Variants in AGBL4 observed in about 807,000 individuals in gnomAD.
AGBL4 encodes the protein cytosolic carboxypeptidase 6.
A neutral mutation model predicts 66.4 loss-of-function variants in AGBL4; 58 were observed. That is an observed-to-expected ratio of 0.87 (90% CI 0.71 to 1.09). The LOEUF (loss-of-function observed/expected upper bound fraction) is 1.09, where lower values mean the gene tolerates loss of function less well. Among genes scored for constraint, AGBL4 ranks in the 50% least tolerant of loss-of-function variants. The pLI, the probability that AGBL4 is intolerant of heterozygous loss-of-function variation, is 0.00. For synonymous variants in AGBL4, 234 were observed against 222.9 expected (o/e 1.05, Z -0.44); for missense variants, 579 against 631.0 (o/e 0.92, Z 0.88).
intron 3 of AGBL4, among the ~76,000 whole-genome samples, chr1:49,427,783 C>T (rs939701170): frequency 2.6e-5 from 4 of 152,220 alleles, no homozygotes; most frequent in African/African-American, 9.6e-5. Context: ...GTTGCTGCTG[C>T]TGGCTGGGTG....
chr1:49,020,457 T>C (rs1663161345), intron 5 of AGBL4, among the ~76,000 whole-genome samples: 1 of 152,154 alleles, frequency 6.6e-6, no homozygotes, highest in Admixed American at 6.5e-5. Flanking sequence ...CAGAAAGGAC[T>C]ACTCTTGAGC....
Position 48,554,498 on chromosome 1 carries a change from C to A in AGBL4, c.1268-14760G>T, listed in dbSNP as rs371371374. Among the ~76,000 whole-genome samples, 25 of 152,230 alleles carry A rather than the reference C, an allele frequency of 1.6e-4. No individual in the cohort carries two copies. The East Asian group carries it at 1.9e-3, about 12-fold the overall frequency. On this transcript the variant is annotated intron_variant, in intron 11 of 13. Coordinates refer to ENST00000371839, the MANE Select transcript of AGBL4 (RefSeq NM_032785.4). ...GCATTTATTCCTCATTTTGAGACAT[C>A]CTTGTTATATTTCAAGCAAAACAGC... is the stretch of plus-strand genomic sequence containing the variant.
chr1:49,981,253 C>A (rs1021794124), intron 1 of AGBL4, among the ~76,000 whole-genome samples: 3 of 152,056 alleles, frequency 2.0e-5, no homozygotes, highest in African/African-American at 7.2e-5. Flanking sequence ...TTGAAGAAAG[C>A]AAACCTGGAA....
chr1:49,091,918 A>G (rs1393432333), intron 4 of AGBL4, among the ~76,000 whole-genome samples: 2 of 152,014 alleles, frequency 1.3e-5, no homozygotes, highest in African/African-American at 4.8e-5. Flanking sequence ...CGAAGTATGA[A>G]GAAATAACAT....
At chr1:49,599,843 C>G (rs1644920075) in intron 3 of AGBL4, among the ~76,000 whole-genome samples, 1 of 152,104 alleles carries the variant, frequency 6.6e-6, no homozygotes, top group Non-Finnish European at 1.5e-5. Flanking sequence ...AAAGAACTTA[C>G]ATATTCCTGC....
chr1:49,677,326 A>G (rs367896889), intron 3 of AGBL4, among the ~76,000 whole-genome samples: 1 of 152,116 alleles, frequency 6.6e-6, no homozygotes, highest in South Asian at 2.1e-4. Context: ...AATTTTGCCA[A>G]TACTTTTTCT....
At chr1:49,652,297 A>G (rs527353851) in intron 3 of AGBL4, among the ~76,000 whole-genome samples, 1 of 152,310 alleles carries the variant, frequency 6.6e-6, no homozygotes, top group African/African-American at 2.4e-5. Flanking sequence ...ATTCAAGAAA[A>G]TTTCCATGCT....
At chr1:49,452,510 C>T (rs1352293583) in intron 3 of AGBL4, among the ~76,000 whole-genome samples, 1 of 151,864 alleles carries the variant, frequency 6.6e-6, no homozygotes, top group Non-Finnish European at 1.5e-5. Context: ...CTGATGATTA[C>T]ATGGGGGTTC....
At chr1:49,898,720 C>T (rs1414297785) in intron 1 of AGBL4, among the ~76,000 whole-genome samples, 2 of 151,976 alleles carry the variant, frequency 1.3e-5, no homozygotes, top group Admixed American at 6.5e-5. Flanking sequence ...AACTCAAGTG[C>T]CTGTAAATAG....
rs1646623004 is a variant in AGBL4 at position 48,691,114 on chromosome 1, C to T, written c.635-27873G>A. Among the ~76,000 whole-genome samples, 4 of 142,648 alleles carry T rather than the reference C, an allele frequency of 2.8e-5. No homozygotes were observed. In the South Asian group the frequency reaches 8.9e-4, roughly 32 times the overall value. The allele number at this position is 142,648 out of a possible 152,430, so 93.6% of individuals were successfully genotyped here. ...TGGAGGTTGCAGTGAACTGAGATGG[C>T]GTCCCTGCATTCCAGCCTGGGCGAC... is the stretch of plus-strand genomic sequence containing the variant. On this transcript the variant is annotated intron_variant, in intron 6 of 13. Coordinates refer to ENST00000371839, the MANE Select transcript of AGBL4 (RefSeq NM_032785.4).
chr1:49,102,660 T>C (rs866770957), intron 4 of AGBL4, among the ~76,000 whole-genome samples: 3 of 152,174 alleles, frequency 2.0e-5, no homozygotes, highest in African/African-American at 7.2e-5. Context: ...GTCTAATGAA[T>C]AAATAAATGA....
chr1:48,880,322 T>G (rs1649657599), intron 5 of AGBL4, among the ~76,000 whole-genome samples: 1 of 152,224 alleles, frequency 6.6e-6, no homozygotes, highest in African/African-American at 2.4e-5. Context: ...CTGAGTAGTA[T>G]TCCATCATAC....
intron 5 of AGBL4, among the ~76,000 whole-genome samples, chr1:48,876,379 T>C (rs1159057534): frequency 6.6e-6 from 1 of 152,126 alleles, no homozygotes; most frequent in African/African-American, 2.4e-5. Context: ...GGATTTCACT[T>C]TCCTTTGCTC....
intron 3 of AGBL4, among the ~76,000 whole-genome samples, chr1:49,250,100 T>C (rs1651929785): frequency 6.6e-6 from 1 of 152,202 alleles, no homozygotes; most frequent in Non-Finnish European, 1.5e-5. Context: ...GAGAAGTTAA[T>C]TAATGGGTAC....
chr1:48,905,205 C>T (rs962495418), intron 5 of AGBL4, among the ~76,000 whole-genome samples: 1 of 152,160 alleles, frequency 6.6e-6, no homozygotes, highest in Non-Finnish European at 1.5e-5. Flanking sequence ...ATCTTTCAGT[C>T]CTACCAGCCC....
At chr1:48,885,627 CCTTT>C (rs1236858636) in intron 5 of AGBL4, among the ~76,000 whole-genome samples, 22 of 152,120 alleles carry the variant, frequency 1.4e-4, no homozygotes, top group Admixed American at 1.4e-3. Flanking sequence ...AAAGCCTTTC[CCTTT>C]CTTCTGCTGT....
intron 4 of AGBL4, among the ~76,000 whole-genome samples, chr1:49,191,239 T>C (rs1647112967): frequency 6.6e-6 from 1 of 152,208 alleles, no homozygotes; most frequent in African/African-American, 2.4e-5. Flanking sequence ...TGTCTCCCAC[T>C]GTCCAACAGA....
chr1:49,743,946 C>G (rs1208201249), intron 2 of AGBL4, among the ~76,000 whole-genome samples: 2 of 151,240 alleles, frequency 1.3e-5, no homozygotes, highest in African/African-American at 4.9e-5. Flanking sequence ...GGAGATATAC[C>G]TAATGTTAAA....
chr1:48,752,135 C>T (rs941529294), intron 6 of AGBL4, among the ~76,000 whole-genome samples: 1 of 152,206 alleles, frequency 6.6e-6, no homozygotes, highest in East Asian at 1.9e-4. Context: ...CTTACCTCCA[C>T]AAGGGAGATG....
Sources: gnomAD v4.1 joint callset for allele counts (sites outside exome capture counted in the v4.1 genomes callset) on GRCh38, gnomAD v4.1.1 for gene constraint, MANE v1.5 for transcripts, NCBI Gene and HGNC (gene_info 2026-07-23, HGNC 2026-07-21) for gene names.